Variants in PCDH7 observed in about 807,000 individuals in gnomAD.
PCDH7 encodes the protein protocadherin 7.
Under a neutral mutation model 58.9 loss-of-function variants are expected in PCDH7, and 17 were observed. The observed-to-expected ratio is 0.29, with a 90% confidence interval of 0.20 to 0.43. PCDH7 has a LOEUF of 0.43. Ranked by LOEUF, PCDH7 falls within the 20% of genes least tolerant of loss-of-function variation. The pLI is 1.00. For synonymous variants in PCDH7, 664 were observed against 616.4 expected (o/e 1.08, Z -1.14); for missense variants, 1,274 against 1,441.0 (o/e 0.88, Z 1.88).
intron 3 of PCDH7, among the ~76,000 whole-genome samples, chr4:31,109,449 G>A (rs1716011574): frequency 6.6e-6 from 1 of 152,162 alleles, no homozygotes; most frequent in Admixed American, 6.5e-5. Flanking sequence ...CAAATTATAA[G>A]ATTGTAAGAG....
intron 1 of PCDH7, among the ~76,000 whole-genome samples, chr4:30,762,161 C>T (rs562912662): frequency 7.4e-4 from 113 of 152,244 alleles, no homozygotes; most frequent in African/African-American, 2.7e-3. Context: ...GAATGGAATG[C>T]TTGGGAGAAT....
At chr4:30,969,737 GTA>G (rs1174848384) in intron 3 of PCDH7, among the ~76,000 whole-genome samples, 1 of 152,114 alleles carries the variant, frequency 6.6e-6, no homozygotes, top group Admixed American at 6.6e-5. Flanking sequence ...AAAGTATCTT[GTA>G]TCTATGTAAA....
chr4:30,861,155 C>T (rs1191579222), intron 1 of PCDH7, among the ~76,000 whole-genome samples: 3 of 152,160 alleles, frequency 2.0e-5, no homozygotes, highest in African/African-American at 7.2e-5. Context: ...ACAGCCCCAC[C>T]TTATACACTA....
intron 1 of PCDH7, among the ~76,000 whole-genome samples, chr4:30,739,440 T>C (rs775003637): frequency 7.4e-5 from 11 of 148,204 alleles, no homozygotes; most frequent in Admixed American, 1.3e-4. Context: ...TAAACAAATA[T>C]ATATTTTTTA....
chr4:30,864,185 A>G (rs1005162192), intron 1 of PCDH7, among the ~76,000 whole-genome samples: 1 of 151,960 alleles, frequency 6.6e-6, no homozygotes, highest in Non-Finnish European at 1.5e-5. Context: ...CATTCAGTAG[A>G]ATGTGTTAAT....
intron 1 of PCDH7, among the ~76,000 whole-genome samples, chr4:30,796,374 A>G (rs1464032725): frequency 6.6e-6 from 1 of 152,212 alleles, no homozygotes; most frequent in Non-Finnish European, 1.5e-5. Flanking sequence ...ATTAGCAGTC[A>G]TTCCACTTAT....
chr4:31,117,215 T>A (rs2109318890), intron 3 of PCDH7, among the ~76,000 whole-genome samples: 1 of 152,270 alleles, frequency 6.6e-6, no homozygotes. Flanking sequence ...GATTGTGTTT[T>A]AAAATTTTTA....
At chr4:31,122,548 C>T (rs1205215558) in intron 3 of PCDH7, among the ~76,000 whole-genome samples, 1 of 152,074 alleles carries the variant, frequency 6.6e-6, no homozygotes, top group African/African-American at 2.4e-5. Context: ...ATTTAATGCA[C>T]ATTTACTGAA....
At chr4:30,921,290 T>G (rs1743161258) in intron 2 of PCDH7, among the ~76,000 whole-genome samples, 2 of 152,124 alleles carry the variant, frequency 1.3e-5, no homozygotes, top group South Asian at 4.1e-4. Flanking sequence ...ACACACATTT[T>G]ATCCCTAGTA....
chr4:31,122,438 T>C (rs1313318901), intron 3 of PCDH7, among the ~76,000 whole-genome samples: 1 of 152,200 alleles, frequency 6.6e-6, no homozygotes. Flanking sequence ...TTTTCCCTTT[T>C]AATTCTCTTG....
chr4:30,967,836 A>G (rs1265303956), intron 3 of PCDH7, among the ~76,000 whole-genome samples: 2 of 152,096 alleles, frequency 1.3e-5, no homozygotes, highest in Non-Finnish European at 2.9e-5. Context: ...AAGACAAATC[A>G]TTGCCAACTT....
intron 3 of PCDH7, among the ~76,000 whole-genome samples, chr4:30,966,744 A>G (rs1749031600): frequency 6.6e-6 from 1 of 152,132 alleles, no homozygotes; most frequent in Admixed American, 6.5e-5. Context: ...CCTTGTTGCA[A>G]ATAGGGAACA....
chr4:30,723,225 G>C lies in PCDH7; in HGVS notation c.1803G>C (p.Gln601His), dbSNP rs1461299078. The C allele has an allele frequency of 3.7e-6, 6 of 1,614,230 alleles. No individual in the cohort carries two copies. The highest frequency in any genetic ancestry group is 5.1e-6 in the Non-Finnish European group (6 of 1,180,054). Residue 601 changes from glutamine to histidine, a missense_variant, in exon 1 of 2, where the codon CAG (glutamine) becomes CAC (histidine). Transcript: ENST00000361762. The surrounding 1 kb of genome is among the most constrained non-coding windows in gnomAD (Gnocchi z 4.6). ...TCAATACCGTGCTGGACCGCGAGCA[G>C]ACTGACAGGTATGAGTTTAAAGTTA...
intron 1 of PCDH7, among the ~76,000 whole-genome samples, chr4:30,729,775 T>C (rs1369386908): frequency 6.6e-6 from 1 of 152,066 alleles, no homozygotes; most frequent in African/African-American, 2.4e-5. Flanking sequence ...GTAGCATCCT[T>C]AACACACAGT....
chr4:30,752,555 A>T (rs75680537), intron 1 of PCDH7, among the ~76,000 whole-genome samples: 2,112 of 151,954 alleles, frequency 0.014, 44 homozygotes, highest in African/African-American at 0.048. Context: ...AAAATAATAA[A>T]ATTTCAAAGC....
At chr4:31,017,929 T>C (rs1013414507) in intron 3 of PCDH7, among the ~76,000 whole-genome samples, 1 of 152,132 alleles carries the variant, frequency 6.6e-6, no homozygotes, top group African/African-American at 2.4e-5. Flanking sequence ...CTATACCCAA[T>C]AATGTTAAGC....
rs963777498 is a variant in PCDH7 at position 31,024,092 on chromosome 4, G to C, written c.*7+73877G>C. ...CTAGTTTCTGTGATGTGGAAGGGTA[G>C]TGATTTGTTTGAAGAGAGTTCTGTG... On this transcript the variant is annotated intron_variant, in intron 3 of 3. Transcript: ENST00000509759. 2.0e-5 allele frequency among the ~76,000 whole-genome samples: 3 copies of C among 152,172 alleles called. No homozygotes were observed. In the East Asian group the frequency reaches 5.8e-4, roughly 29 times the overall value.
At chr4:31,131,099 A>G (rs2109336394) in intron 3 of PCDH7, among the ~76,000 whole-genome samples, 1 of 152,260 alleles carries the variant, frequency 6.6e-6, no homozygotes. Flanking sequence ...GCCCCAACAC[A>G]GGGAGCACTG....
chr4:30,961,488 G>C (rs902414488), intron 3 of PCDH7, among the ~76,000 whole-genome samples: 5 of 151,770 alleles, frequency 3.3e-5, no homozygotes, highest in African/African-American at 1.2e-4. Context: ...GGAGGTGGAG[G>C]TTGCAGTGAG....
Sources: allele counts gnomAD v4.1 joint callset (sites outside exome capture counted in the v4.1 genomes callset), GRCh38; gene constraint gnomAD v4.1.1; non-coding constraint Gnocchi (gnomAD v3.1); transcripts MANE v1.5; gene names NCBI Gene and HGNC (gene_info 2026-07-23, HGNC 2026-07-21).